MAGI1: variants seen among roughly 807,000 people sequenced by gnomAD.
MAGI1 encodes the protein membrane associated guanylate kinase, WW and PDZ domain containing 1, also known as membrane-associated guanylate kinase, WW and PDZ domain-containing protein 1.
MAGI1 carries 58 observed loss-of-function variants against 139.9 expected under a neutral mutation model. The ratio of observed to expected loss-of-function variants is 0.41; its 90% CI spans 0.34 to 0.52. MAGI1 has a LOEUF of 0.52. MAGI1 is among the 20% of genes least tolerant of loss of function. The pLI, the probability that MAGI1 is intolerant of heterozygous loss-of-function variation, is 0.12. For missense variants in MAGI1, 1,874 were observed against 1,901.6 expected, an observed-to-expected ratio of 0.99 and a Z score of 0.27; for synonymous variants, 812 against 737.9, an observed-to-expected ratio of 1.10 and a Z score of -1.63.
At chr3:65,579,989 T>C (rs1186740001) in intron 2 of MAGI1, among the ~76,000 whole-genome samples, 7 of 152,198 alleles carry the variant, frequency 4.6e-5, no homozygotes, top group Admixed American at 2.6e-4. Flanking sequence ...CATGATCTTA[T>C]GAAACTATTA....
chr3:65,587,578 GGCTTCCACCTCCCA>G (rs2081750335), intron 2 of MAGI1, among the ~76,000 whole-genome samples: 1 of 148,892 alleles, frequency 6.7e-6, no homozygotes, highest in African/African-American at 2.5e-5. Flanking sequence ...CTACCTCCTG[GGCTTCCACCTCCCA>G]GCTTCCACCT....
chr3:65,549,527 T>A, intron 2 of MAGI1: 1 of 975,542 alleles, frequency 1.0e-6, no homozygotes, highest in Non-Finnish European at 1.2e-6. Flanking sequence ...GCTGCTCCTT[T>A]TATGGGGCTC....
chr3:65,477,728 T>TTA (rs1491068734), intron 4 of MAGI1, among the ~76,000 whole-genome samples: 4 of 149,812 alleles, frequency 2.7e-5, no homozygotes, highest in African/African-American at 9.8e-5. Context: ...TTTTTTTATT[T>TTA]ATATTTTTTG....
intron 1 of MAGI1, among the ~76,000 whole-genome samples, chr3:65,942,986 A>T (rs2063383451): frequency 6.6e-6 from 1 of 152,060 alleles, no homozygotes; most frequent in African/African-American, 2.4e-5. Flanking sequence ...ATGCCACTGC[A>T]CTCCAGCCTG....
intron 2 of MAGI1, among the ~76,000 whole-genome samples, chr3:65,507,722 T>G (rs1260798061): frequency 6.6e-6 from 1 of 152,192 alleles, no homozygotes; most frequent in East Asian, 1.9e-4. Context: ...TGCCCTCATT[T>G]CAATTAGTTC....
chr3:65,490,249 C>T (rs1575986824), intron 3 of MAGI1, among the ~76,000 whole-genome samples: 1 of 152,280 alleles, frequency 6.6e-6, no homozygotes, highest in East Asian at 1.9e-4. Context: ...CCTCATTTTA[C>T]CAATGGGAAA....
intron 1 of MAGI1, among the ~76,000 whole-genome samples, chr3:65,824,984 G>A (rs1193170063): frequency 1.3e-5 from 2 of 152,226 alleles, no homozygotes; most frequent in Non-Finnish European, 2.9e-5. Context: ...TGCCCCCAAT[G>A]AGCAAACACA....
Position 65,357,100 on chromosome 3 carries a change from C to G in MAGI1, c.3667G>C (p.Gly1223Arg). Residue 1223 changes from glycine to arginine, a missense_variant, in exon 23 of 23, where the codon GGT becomes CGT. Gly to Arg is a moderately radical substitution (Grantham distance 125, BLOSUM62 -2). Coordinates refer to ENST00000402939, the MANE Select transcript of MAGI1 (RefSeq NM_001033057.2). ...CTCACTTCCGGAACACCTTGTGGAC[C>G]GGTGGCGGGGCCGTGGCGGTCGCTG... ...PSSDRHGPATGPQGVPEVRAG... is the reference protein window; with the variant it reads ...PSSDRHGPATRPQGVPEVRAG... 6.2e-7 allele frequency: 1 copy of G among 1,613,170 alleles called. No homozygotes were observed. Among genetic ancestry groups the G allele is most frequent in the Non-Finnish European group, 8.5e-7 (1 of 1,179,408 alleles).
At chr3:65,592,803 G>T (rs1224139199) in intron 2 of MAGI1, among the ~76,000 whole-genome samples, 1 of 152,048 alleles carries the variant, frequency 6.6e-6, no homozygotes, top group Non-Finnish European at 1.5e-5. Flanking sequence ...CTTTTGTTTT[G>T]CCAACCACAG....
intron 9 of MAGI1, 134 bp downstream of exon 9, chr3:65,439,745 A>C (rs1948120371): frequency 6.5e-7 from 1 of 1,526,848 alleles, no homozygotes; most frequent in African/African-American, 1.4e-5. Flanking sequence ...TCCTCCCCAC[A>C]GGACATCAGC....
At chr3:65,785,871 T>C (rs2039336637) in intron 1 of MAGI1, among the ~76,000 whole-genome samples, 1 of 152,040 alleles carries the variant, frequency 6.6e-6, no homozygotes, top group South Asian at 2.1e-4. Flanking sequence ...TTGTGTGAAA[T>C]CAAGTGTAAT....
chr3:65,617,358 A>G (rs546164341), intron 2 of MAGI1, among the ~76,000 whole-genome samples: 1 of 152,224 alleles, frequency 6.6e-6, no homozygotes, highest in Non-Finnish European at 1.5e-5. Flanking sequence ...AACCAGAACT[A>G]CTGGATGAGT....
intron 1 of MAGI1, among the ~76,000 whole-genome samples, chr3:65,881,248 A>G (rs555961115): frequency 5.9e-5 from 9 of 152,290 alleles, no homozygotes; most frequent in African/African-American, 1.9e-4. Context: ...TCACTGCTAA[A>G]CACCCAATAC....
At chr3:65,920,504 A>G (rs1365008283) in intron 1 of MAGI1, among the ~76,000 whole-genome samples, 1 of 152,208 alleles carries the variant, frequency 6.6e-6, no homozygotes, top group Admixed American at 6.5e-5. Flanking sequence ...CTCTTCTCCT[A>G]GATTCAATCA....
intron 2 of MAGI1, among the ~76,000 whole-genome samples, chr3:65,587,150 A>C (rs1482058800): frequency 6.6e-6 from 1 of 152,104 alleles, no homozygotes; most frequent in Non-Finnish European, 1.5e-5. Context: ...CTTTTTTCTT[A>C]ATGCCATTGG....
At chr3:65,423,524 T>C (rs906230279) in intron 12 of MAGI1, among the ~76,000 whole-genome samples, 4 of 152,234 alleles carry the variant, frequency 2.6e-5, no homozygotes, top group African/African-American at 9.6e-5. Flanking sequence ...TTAAGAGGCA[T>C]TACTTTGCCC....
At chr3:66,035,534 A>ATCATTACT (rs2068867662) in intron 1 of MAGI1, among the ~76,000 whole-genome samples, 1 of 152,214 alleles carries the variant, frequency 6.6e-6, no homozygotes, top group Non-Finnish European at 1.5e-5. Context: ...TTCTAGGGCC[A>ATCATTACT]TCATTACTGG....
chr3:65,383,499 T>C (rs1943218756), intron 15 of MAGI1, 33 bp downstream of exon 15: 3 of 1,535,998 alleles, frequency 2.0e-6, no homozygotes, highest in Non-Finnish European at 2.7e-6. Flanking sequence ...CTTAGAAAAA[T>C]ATGCTGGGAA....
intron 2 of MAGI1, among the ~76,000 whole-genome samples, chr3:65,559,246 T>G (rs1418500311): frequency 6.6e-6 from 1 of 152,210 alleles, no homozygotes; most frequent in East Asian, 1.9e-4. Flanking sequence ...TTACATTAAA[T>G]AACATTATGT....
Sources: gnomAD v4.1 joint callset for allele counts (sites outside exome capture counted in the v4.1 genomes callset) on GRCh38, gnomAD v4.1.1 for gene constraint, MANE v1.5 for transcripts, NCBI Gene and HGNC (gene_info 2026-07-23, HGNC 2026-07-21) for gene names.